The following TLN2 variants were observed in gnomAD, a reference collection of about 807,000 sequenced individuals.
TLN2 encodes the protein talin 2.
A neutral mutation model predicts 294.7 loss-of-function variants in TLN2; 118 were observed. The observed-to-expected ratio is 0.40, with a 90% confidence interval of 0.34 to 0.47. The LOEUF (loss-of-function observed/expected upper bound fraction) is 0.47, where lower values mean the gene tolerates loss of function less well. TLN2 is among the 20% of genes least tolerant of loss of function. TLN2 has a pLI of 0.84. For synonymous variants in TLN2, 1,431 were observed against 1,304.5 expected, an observed-to-expected ratio of 1.10 and a Z score of -2.09; for missense variants, 3,083 against 3,282.2, an observed-to-expected ratio of 0.94 and a Z score of 1.48.
chr15:62,671,282 T>C (rs1423152647), intron 9 of TLN2, among the ~76,000 whole-genome samples: 2 of 152,246 alleles, frequency 1.3e-5, no homozygotes, highest in Non-Finnish European at 2.9e-5. Context: ...TTTATAATTT[T>C]GAAATAGTCC....
At chr15:62,599,803 C>G (rs1260984119) in intron 2 of TLN2, among the ~76,000 whole-genome samples, 1 of 152,144 alleles carries the variant, frequency 6.6e-6, no homozygotes, top group African/African-American at 2.4e-5. Context: ...AGAGGGTGAG[C>G]TGTGTGAACG....
chr15:62,593,937 A>G (rs2046279450), intron 2 of TLN2, among the ~76,000 whole-genome samples: 3 of 152,234 alleles, frequency 2.0e-5, no homozygotes, highest in African/African-American at 7.2e-5. Context: ...AGGATCTTTT[A>G]TTTAAAAAAT....
intron 10 of TLN2, among the ~76,000 whole-genome samples, chr15:62,674,785 A>C (rs1350118996): frequency 6.6e-6 from 1 of 152,200 alleles, no homozygotes; most frequent in African/African-American, 2.4e-5. Context: ...TATAGGCATA[A>C]GCCACCACAC....
At chr15:62,690,658 G>A (rs79756435) in intron 12 of TLN2, among the ~76,000 whole-genome samples, 137,308 of 147,542 alleles carry the variant, frequency 0.93, 65,755 homozygotes, top group Non-Finnish European at 1. Context: ...AGGCCAAGGC[G>A]GGCAGCTGGG....
chr15:62,425,105 A>C (rs2034634325), intron 1 of TLN2, among the ~76,000 whole-genome samples: 1 of 150,644 alleles, frequency 6.6e-6, no homozygotes, highest in African/African-American at 2.5e-5. Context: ...GGGGCCTGCC[A>C]CCATGCCTGG....
rs1254785132 is a variant in TLN2, at chr15:62,842,573, G to A, written c.*1963G>A. 1 of 150,242 alleles carries A rather than the reference G, an allele frequency of 6.7e-6. No individual in the cohort carries two copies. Among genetic ancestry groups the A allele is most frequent in the African/African-American group, 2.4e-5 (1 of 40,844 alleles). The allele number at this position is 150,242 out of a possible 1,614,324, so 9.3% of individuals were successfully genotyped here. A position where few individuals can be genotyped will look rare whatever the true frequency, so the allele number is the denominator to read the frequency against. ...CTCTGCTCTTCTATGCTGTGCCCAG[G>A]GCAGCTGCCCTCTTCTGCCTGTGCC... On this transcript the variant is annotated 3_prime_UTR_variant, in exon 59 of 59. Transcript: ENST00000636159.
At chr15:62,465,883 T>C (rs947679256) in intron 1 of TLN2, among the ~76,000 whole-genome samples, 1 of 152,212 alleles carries the variant, frequency 6.6e-6, no homozygotes, top group African/African-American at 2.4e-5. Context: ...CCTTAGTTTG[T>C]TGGCTGAATA....
chr15:62,676,883 A>C (rs1185422713), intron 11 of TLN2, among the ~76,000 whole-genome samples: 1 of 152,144 alleles, frequency 6.6e-6, no homozygotes, highest in African/African-American at 2.4e-5. Flanking sequence ...CCAAAGTGCT[A>C]GTATTACAGG....
chr15:62,595,784 A>G (rs2046450118), intron 2 of TLN2, among the ~76,000 whole-genome samples: 1 of 152,250 alleles, frequency 6.6e-6, no homozygotes, highest in Non-Finnish European at 1.5e-5. Context: ...GCATTACATT[A>G]AGTGAAATAA....
chr15:62,590,000 G>GGTTTTT (rs56773746), intron 2 of TLN2, among the ~76,000 whole-genome samples: 26,420 of 150,960 alleles, frequency 0.18, 2,828 homozygotes, highest in East Asian at 0.38. Flanking sequence ...TGAGTAGCTG[G>GGTTTTT]GTTTTTGTTT....
intron 10 of TLN2, among the ~76,000 whole-genome samples, chr15:62,674,338 C>T (rs777707298): frequency 3.3e-5 from 5 of 152,148 alleles, no homozygotes; most frequent in Admixed American, 6.5e-5. Flanking sequence ...TTAACACAAA[C>T]TTTGCCATGA....
intron 22 of TLN2, among the ~76,000 whole-genome samples, chr15:62,712,367 A>G (rs1040035727): frequency 1.3e-5 from 2 of 152,292 alleles, no homozygotes; most frequent in Admixed American, 6.5e-5. Flanking sequence ...TGTGGTGACT[A>G]ATTTAAACCT....
At chr15:62,802,425 C>CAA (rs1262283275) in intron 50 of TLN2, among the ~76,000 whole-genome samples, 4 of 151,922 alleles carry the variant, frequency 2.6e-5, no homozygotes, top group Non-Finnish European at 5.9e-5. Context: ...CACACACACA[C>CAA]ACACACACAC....
intron 16 of TLN2, 30 bp downstream of exon 16, chr15:62,698,897 A>G: frequency 6.3e-7 from 1 of 1,587,732 alleles, no homozygotes; most frequent in Non-Finnish European, 8.6e-7. Flanking sequence ...TTTCATGCCA[A>G]GTCTCTGCCC....
chr15:62,553,875 A>G (rs982726845), intron 1 of TLN2, among the ~76,000 whole-genome samples: 5 of 152,032 alleles, frequency 3.3e-5, no homozygotes, highest in African/African-American at 1.2e-4. Context: ...CTTCTGTTTA[A>G]TAGCTGTGGT....
rs753917780 is a variant in TLN2, at chr15:62,645,711, G to A, written c.-36-1564G>A. 3.9e-5 allele frequency among the ~76,000 whole-genome samples: 6 copies of A among 152,110 alleles called. No individual in the cohort carries two copies. In the South Asian group the frequency reaches 6.2e-4, roughly 16 times the overall value. On this transcript the variant is annotated intron_variant, in intron 3 of 58. Transcript: ENST00000636159. ...TGCCTCCTAGCACCTCCCTTCTTCC[G>A]TGGGAAGAAGCTGGAGTCCAGGTTT... is the stretch of plus-strand genomic sequence containing the variant.
At chr15:62,713,432 A>C (rs2059558425) in intron 22 of TLN2, among the ~76,000 whole-genome samples, 1 of 151,972 alleles carries the variant, frequency 6.6e-6, no homozygotes, top group Admixed American at 6.6e-5. Context: ...TAATCCCAGC[A>C]CTTTGAGAGG....
intron 1 of TLN2, among the ~76,000 whole-genome samples, chr15:62,534,137 T>TGTGTAGGGATTTCTCCCCACATA (rs2041205035): frequency 1.3e-5 from 2 of 149,306 alleles, no homozygotes; most frequent in Non-Finnish European, 2.9e-5. Flanking sequence ...CTCCCCACAG[T>TGTGTAGGGATTTCTCCCCACATA]GTGTAGGGAT....
chr15:62,549,565 G>A (rs1035576641), intron 1 of TLN2, among the ~76,000 whole-genome samples: 2 of 152,016 alleles, frequency 1.3e-5, no homozygotes, highest in Non-Finnish European at 1.5e-5. Context: ...GGCCACTAGA[G>A]GCGAAATCTA....
Sources: allele counts gnomAD v4.1 joint callset (sites outside exome capture counted in the v4.1 genomes callset), GRCh38; gene constraint gnomAD v4.1.1; transcripts MANE v1.5; gene names NCBI Gene and HGNC (gene_info 2026-07-23, HGNC 2026-07-21).